Variants in AGBL4 observed in about 807,000 individuals in gnomAD.
AGBL4 encodes cytosolic carboxypeptidase 6.
A neutral mutation model predicts 66.4 loss-of-function variants in AGBL4; 58 were observed. The ratio of observed to expected loss-of-function variants is 0.87; its 90% CI spans 0.71 to 1.09. The LOEUF is 1.09. Among genes scored for constraint, AGBL4 ranks in the 50% least tolerant of loss-of-function variants. AGBL4 has a pLI of 0.00. For synonymous variants in AGBL4, 234 were observed against 222.9 expected (o/e 1.05, Z -0.44); for missense variants, 579 against 631.0 (o/e 0.92, Z 0.88).
chr1:49,328,087 AG>A (rs1365451385), intron 3 of AGBL4, among the ~76,000 whole-genome samples: 1 of 152,224 alleles, frequency 6.6e-6, no homozygotes, highest in Non-Finnish European at 1.5e-5. Context: ...CAAAGGTGAA[AG>A]GAACTGGAGA....
At chr1:48,568,963 A>G (rs1187846007) in intron 11 of AGBL4, among the ~76,000 whole-genome samples, 2 of 152,204 alleles carry the variant, frequency 1.3e-5, no homozygotes, top group Non-Finnish European at 2.9e-5. Flanking sequence ...GGCCTGGCAC[A>G]GAAGGAATGC....
At chr1:49,268,302 AG>A (rs1346128444) in intron 3 of AGBL4, 1 of 152,118 alleles carries the variant, frequency 6.6e-6, no homozygotes, top group African/African-American at 2.4e-5. Context: ...CATCAGGCAC[AG>A]GGGAAGAAGC....
At chr1:49,943,493 G>A (rs1319276235) in intron 1 of AGBL4, among the ~76,000 whole-genome samples, 1 of 152,092 alleles carries the variant, frequency 6.6e-6, no homozygotes, top group Non-Finnish European at 1.5e-5. Flanking sequence ...GGGATCATCC[G>A]CCCCTGAACA....
chr1:48,703,674 A>C (rs1407818413), intron 6 of AGBL4, among the ~76,000 whole-genome samples: 1 of 152,224 alleles, frequency 6.6e-6, no homozygotes, highest in East Asian at 1.9e-4. Context: ...ATAAACCTCA[A>C]GGGTTATGTG....
chr1:49,059,386 G>A (rs2147907003), intron 4 of AGBL4, among the ~76,000 whole-genome samples: 1 of 152,358 alleles, frequency 6.6e-6, no homozygotes, highest in East Asian at 1.9e-4. Context: ...TGGGGTTTGG[G>A]AACCTCTGCC....
At chr1:49,734,762 T>G (rs1649729329) in intron 2 of AGBL4, among the ~76,000 whole-genome samples, 1 of 151,938 alleles carries the variant, frequency 6.6e-6, no homozygotes, top group Admixed American at 6.6e-5. Context: ...ATTGACAAGT[T>G]GATATTAAAC....
At chr1:49,078,247 T>C (rs1310540347) in intron 4 of AGBL4, among the ~76,000 whole-genome samples, 1 of 152,180 alleles carries the variant, frequency 6.6e-6, no homozygotes, top group Non-Finnish European at 1.5e-5. Flanking sequence ...CTAGAATATG[T>C]CCTATCTCAT....
chr1:49,693,739 G>C (rs1377109143), intron 3 of AGBL4, among the ~76,000 whole-genome samples: 1 of 151,930 alleles, frequency 6.6e-6, no homozygotes, highest in Non-Finnish European at 1.5e-5. Context: ...AAAAGAAATA[G>C]AGCTTAATCA....
rs529669347 is a variant in AGBL4, at chr1:48,596,091, G to C, written c.952-5106C>G. On this transcript the variant is annotated intron_variant, in intron 9 of 13. Coordinates refer to ENST00000371839, the MANE Select transcript of AGBL4 (RefSeq NM_032785.4). ...GCTCAAGTAACTTGCCCAGCATTAC[G>C]CAGCAAGATGTGGCAGAGTCGGGAC... 9.2e-5 allele frequency among the ~76,000 whole-genome samples: 14 copies of C among 152,296 alleles called. No homozygotes were observed. The South Asian group carries it at 2.3e-3, about 25-fold the overall frequency.
chr1:48,630,594 C>T (rs1645577180), intron 9 of AGBL4, among the ~76,000 whole-genome samples: 1 of 152,226 alleles, frequency 6.6e-6, no homozygotes, highest in South Asian at 2.1e-4. Flanking sequence ...TCCTTTTCAA[C>T]TCCACAGCAG....
intron 2 of AGBL4, among the ~76,000 whole-genome samples, chr1:49,816,521 T>A (rs546945017): frequency 6.6e-6 from 1 of 152,282 alleles, no homozygotes; most frequent in African/African-American, 2.4e-5. Context: ...AGTATAGACA[T>A]GGTGAAAATT....
chr1:49,224,616 CAAAAAA>C (rs377573639), intron 4 of AGBL4, among the ~76,000 whole-genome samples: 3 of 74,730 alleles, frequency 4.0e-5, no homozygotes, highest in East Asian at 3.3e-4. Context: ...GACTCCCTCT[CAAAAAA>C]AAAAAAAAAA....
intron 1 of AGBL4, among the ~76,000 whole-genome samples, chr1:49,884,466 T>A: frequency 6.6e-6 from 1 of 151,836 alleles, no homozygotes; most frequent in East Asian, 1.9e-4. Context: ...CTATAAAGTA[T>A]AAAGAAAGAT....
intron 8 of AGBL4, among the ~76,000 whole-genome samples, chr1:48,640,261 A>AGAT (rs1645733156): frequency 6.6e-6 from 1 of 152,198 alleles, no homozygotes; most frequent in Non-Finnish European, 1.5e-5. Context: ...TTTGAGTTGG[A>AGAT]GATACTCTTA....
intron 3 of AGBL4, among the ~76,000 whole-genome samples, chr1:49,271,196 A>G (rs1421019605): frequency 6.6e-6 from 1 of 152,120 alleles, no homozygotes; most frequent in East Asian, 1.9e-4. Flanking sequence ...TTGATTTCTT[A>G]TATTCTTCCA....
intron 6 of AGBL4, among the ~76,000 whole-genome samples, chr1:48,836,844 C>G (rs1331623631): frequency 6.6e-6 from 1 of 151,768 alleles, no homozygotes; most frequent in Non-Finnish European, 1.5e-5. Context: ...ATTTATTAAA[C>G]AAATATTTAC....
At chr1:48,777,792 T>C (rs1645168387) in intron 6 of AGBL4, among the ~76,000 whole-genome samples, 1 of 151,696 alleles carries the variant, frequency 6.6e-6, no homozygotes, top group Admixed American at 6.6e-5. Context: ...GCGGAGGGAG[T>C]TGAGGAGCGC....
chr1:49,607,265 GGCTAAACT>G (rs1215360533), intron 3 of AGBL4, among the ~76,000 whole-genome samples: 1 of 152,000 alleles, frequency 6.6e-6, no homozygotes, highest in Non-Finnish European at 1.5e-5. Context: ...AGCTTTATTT[GGCTAAACT>G]GCTAGTTTAT....
intron 3 of AGBL4, among the ~76,000 whole-genome samples, chr1:49,589,202 G>A (rs1365285672): frequency 6.6e-6 from 1 of 151,876 alleles, no homozygotes; most frequent in Non-Finnish European, 1.5e-5. Flanking sequence ...GAGTATAAAT[G>A]GCTTTAAATC....
Sources: allele counts gnomAD v4.1 joint callset (sites outside exome capture counted in the v4.1 genomes callset), GRCh38; gene constraint gnomAD v4.1.1; transcripts MANE v1.5; gene names NCBI Gene and HGNC (gene_info 2026-07-23, HGNC 2026-07-21).